The following STEAP1B variants were observed in gnomAD, a reference collection of about 807,000 sequenced individuals.
STEAP1B encodes STEAP family protein MGC87042.
In STEAP1B, 13 loss-of-function variants were observed where a neutral mutation model predicts 27.9. That is an observed-to-expected ratio of 0.47 (90% confidence interval 0.30 to 0.74). STEAP1B has a LOEUF of 0.74. STEAP1B is among the 30% of genes least tolerant of loss of function. STEAP1B has a pLI of 0.06. For synonymous variants in STEAP1B, 86 were observed against 107.1 expected (o/e 0.80, Z 1.22); for missense variants, 250 against 298.7 (o/e 0.84, Z 1.20).
At chr7:22,428,586 A>G (rs1223083729) in intron 4 of STEAP1B, among the ~76,000 whole-genome samples, 1 of 152,282 alleles carries the variant, frequency 6.6e-6, no homozygotes, top group Non-Finnish European at 1.5e-5. Context: ...GAGAAATTAT[A>G]TAATAATTTC....
chr7:22,455,966 T>C (rs1785572351), intron 4 of STEAP1B, among the ~76,000 whole-genome samples: 1 of 152,068 alleles, frequency 6.6e-6, no homozygotes, highest in Non-Finnish European at 1.5e-5. Context: ...GCTAACACGG[T>C]GAAACCCCAT....
chr7:22,458,592 T>C (rs1261205577), intron 4 of STEAP1B, among the ~76,000 whole-genome samples: 2 of 152,180 alleles, frequency 1.3e-5, no homozygotes, highest in Non-Finnish European at 2.9e-5. Flanking sequence ...TGTTAAACAC[T>C]AAACAGCGCA....
intron 4 of STEAP1B, among the ~76,000 whole-genome samples, chr7:22,467,913 T>C (rs543801378): frequency 1.8e-4 from 27 of 152,344 alleles, no homozygotes; most frequent in Non-Finnish European, 3.7e-4. Flanking sequence ...TATTTGGAAA[T>C]TCCTTTGGCA....
intron 3 of STEAP1B, 135 bp from the exon 4 acceptor site, chr7:22,492,864 T>G (rs1309756564): frequency 2.2e-6 from 3 of 1,367,268 alleles, no homozygotes; most frequent in African/African-American, 3.0e-5. Flanking sequence ...GACTTTTTCT[T>G]TTTTTTTTGC....
intron 4 of STEAP1B, among the ~76,000 whole-genome samples, chr7:22,454,860 T>TAG (rs1562572885): frequency 1.5e-5 from 1 of 65,332 alleles, no homozygotes; most frequent in Admixed American, 1.6e-4. Context: ...TATATATATA[T>TAG]ATATATTTTT....
intron 4 of STEAP1B, among the ~76,000 whole-genome samples, chr7:22,478,007 C>T (rs1174514117): frequency 6.6e-6 from 1 of 152,162 alleles, no homozygotes; most frequent in African/African-American, 2.4e-5. Flanking sequence ...CTCAGCTGAA[C>T]CCAGGGCCCT....
At chr7:22,478,659 A>G (rs1786014760) in intron 4 of STEAP1B, among the ~76,000 whole-genome samples, 1 of 152,260 alleles carries the variant, frequency 6.6e-6, no homozygotes, top group Non-Finnish European at 1.5e-5. Flanking sequence ...AAATGAATTT[A>G]TACATATAAA....
intron 4 of STEAP1B, among the ~76,000 whole-genome samples, chr7:22,467,847 A>G (rs1047442656): frequency 6.6e-6 from 1 of 152,130 alleles, no homozygotes; most frequent in African/African-American, 2.4e-5. Flanking sequence ...CTACCAAGAG[A>G]TATAGTTCAA....
intron 4 of STEAP1B, among the ~76,000 whole-genome samples, chr7:22,489,502 G>A (rs994690843): frequency 2.0e-5 from 3 of 152,204 alleles, no homozygotes; most frequent in Non-Finnish European, 4.4e-5. Context: ...GGTCTTTGCA[G>A]ATGATCAAGT....
At chr7:22,447,187 T>A (rs896346303) in intron 4 of STEAP1B, among the ~76,000 whole-genome samples, 2 of 152,216 alleles carry the variant, frequency 1.3e-5, no homozygotes, top group African/African-American at 4.8e-5. Context: ...GGGACATCAC[T>A]GATGTCTCAG....
chr7:22,442,061 C>T (rs1785342227), intron 4 of STEAP1B, among the ~76,000 whole-genome samples: 1 of 152,218 alleles, frequency 6.6e-6, no homozygotes, highest in Admixed American at 6.5e-5. Context: ...CTACCCACTT[C>T]CCATATGGCC....
intron 4 of STEAP1B, among the ~76,000 whole-genome samples, chr7:22,426,041 T>C (rs1165720425): frequency 1.3e-5 from 2 of 151,782 alleles, no homozygotes; most frequent in Admixed American, 6.6e-5. Context: ...ATCTGTACCA[T>C]TAGACTCTCT....
chr7:22,491,198 GA>G (rs1480853961), intron 4 of STEAP1B, among the ~76,000 whole-genome samples: 2 of 152,178 alleles, frequency 1.3e-5, no homozygotes, highest in African/African-American at 4.8e-5. Context: ...CTAGTGTGTT[GA>G]AGGTTTCTTT....
rs184472006 is a variant in STEAP1B at position 22,440,313 on chromosome 7, G to A, written c.763-20477C>T. 6.1e-3 allele frequency among the ~76,000 whole-genome samples: 923 copies of A among 152,220 alleles called. 10 individuals are homozygous for A. The highest frequency in any genetic ancestry group is 8.3e-3 in the Non-Finnish European group (563 of 67,994). On this transcript the variant is annotated intron_variant, in intron 4 of 4. Transcript: ENST00000678116. ...TCAATTTCTATTCTGTACTGAAATG[G>A]AATATAATTAAAAGTCCTTCAATTT...
chr7:22,466,989 G>A (rs1785796380), intron 4 of STEAP1B, among the ~76,000 whole-genome samples: 1 of 152,176 alleles, frequency 6.6e-6, no homozygotes, highest in Non-Finnish European at 1.5e-5. Context: ...GTTAACAAAT[G>A]GAACACCTGG....
chr7:22,499,662 A>T (rs995449838), intron 1 of STEAP1B, among the ~76,000 whole-genome samples: 3 of 152,192 alleles, frequency 2.0e-5, no homozygotes, highest in Non-Finnish European at 4.4e-5. Flanking sequence ...CAGTGTTCTA[A>T]GGACTGAAAA....
chr7:22,482,259 G>T (rs1332140777), intron 4 of STEAP1B, among the ~76,000 whole-genome samples: 1 of 152,162 alleles, frequency 6.6e-6, no homozygotes, highest in Non-Finnish European at 1.5e-5. Context: ...ATGATTTACT[G>T]GGGGTATGCT....
intron 4 of STEAP1B, among the ~76,000 whole-genome samples, chr7:22,452,892 C>G (rs1049469422): frequency 6.6e-6 from 1 of 152,198 alleles, no homozygotes; most frequent in Non-Finnish European, 1.5e-5. Flanking sequence ...AATCCCAATA[C>G]CAGTCCCTGG....
intron 4 of STEAP1B, among the ~76,000 whole-genome samples, chr7:22,424,253 C>T (rs1396201414): frequency 6.6e-6 from 1 of 151,972 alleles, no homozygotes; most frequent in Non-Finnish European, 1.5e-5. Flanking sequence ...TAACACTTGC[C>T]ATACGTAAGG....
Sources: allele counts gnomAD v4.1 joint callset (sites outside exome capture counted in the v4.1 genomes callset), GRCh38; gene constraint gnomAD v4.1.1; transcripts MANE v1.5; gene names NCBI Gene and HGNC (gene_info 2026-07-23, HGNC 2026-07-21).